USP46: variants seen among roughly 807,000 people sequenced by gnomAD.
The protein encoded by USP46 is ubiquitin carboxyl-terminal hydrolase 46.
USP46 carries 12 observed loss-of-function variants against 44.4 expected under a neutral mutation model. That is an observed-to-expected ratio of 0.27 (90% CI 0.17 to 0.44). USP46 has a LOEUF of 0.44. Ranked by LOEUF, USP46 falls within the 20% of genes least tolerant of loss-of-function variation. The pLI, the probability that USP46 is intolerant of heterozygous loss-of-function variation, is 1.00. For synonymous variants in USP46, 155 were observed against 161.5 expected, an observed-to-expected ratio of 0.96 and a Z score of 0.31; for missense variants, 248 against 444.8, an observed-to-expected ratio of 0.56 and a Z score of 3.98.
At chr4:52,658,390 G>A in intron 1 of USP46, 2 of 407,186 alleles carry the variant, frequency 4.9e-6, no homozygotes, top group South Asian at 1.8e-5. Flanking sequence ...ATCCATGCCC[G>A]CCAGCCTCCC....
rs1051804106 is a variant in USP46, at chr4:52,610,446, G to C, written c.638+95C>G. ...ATAATAGGATCATATTGGTTTAACA[G>C]AAGGGAAGATTATGTCCTGAAGAAA... is the stretch of plus-strand genomic sequence containing the variant. On this transcript the variant is annotated intron_variant, in intron 5 of 8. Transcript: ENST00000441222. 7.3e-6 allele frequency: 8 copies of C among 1,089,622 alleles called. No individual in the cohort carries two copies. In the Admixed American group the frequency reaches 1.8e-4, roughly 24 times the overall value. The allele number at this position is 1,089,622 out of a possible 1,614,324, so 67.5% of individuals were successfully genotyped here.
At chr4:52,603,382 G>A (rs1379485244) in intron 6 of USP46, among the ~76,000 whole-genome samples, 1 of 152,188 alleles carries the variant, frequency 6.6e-6, no homozygotes, top group Non-Finnish European at 1.5e-5. Flanking sequence ...AAAGAAAAGT[G>A]TACATGTTTG....
At chr4:52,634,080 A>C (rs1577685310) in intron 1 of USP46, among the ~76,000 whole-genome samples, 1 of 148,954 alleles carries the variant, frequency 6.7e-6, no homozygotes, top group South Asian at 2.1e-4. Flanking sequence ...AGACCATGAC[A>C]CCCTTACCCT....
At chr4:52,610,435 T>C (rs1716897184) in intron 5 of USP46, 106 bp downstream of exon 5, 3 of 956,132 alleles carry the variant, frequency 3.1e-6, no homozygotes, top group Admixed American at 2.4e-5. Context: ...TAGGATCATA[T>C]TGGTTTAACA....
At chr4:52,648,658 T>G (rs376349176) in intron 1 of USP46, among the ~76,000 whole-genome samples, 1 of 152,198 alleles carries the variant, frequency 6.6e-6, no homozygotes, top group Non-Finnish European at 1.5e-5. Context: ...CTGCCAACCA[T>G]ACAATATGCA....
At chr4:52,642,544 G>C (rs1016913889) in intron 1 of USP46, among the ~76,000 whole-genome samples, 3 of 152,198 alleles carry the variant, frequency 2.0e-5, no homozygotes, top group Admixed American at 6.5e-5. Context: ...AAAGTTGTTG[G>C]GAGAACCCCC....
At chr4:52,629,593 T>C (rs766768569) in intron 2 of USP46, 3 of 456,256 alleles carry the variant, frequency 6.6e-6, no homozygotes, top group South Asian at 4.6e-5. Flanking sequence ...AGGGCTTAGC[T>C]TTCCTCCTTC....
At chr4:52,637,883 CCT>C (rs1718175382) in intron 1 of USP46, among the ~76,000 whole-genome samples, 4 of 152,134 alleles carry the variant, frequency 2.6e-5, no homozygotes, top group African/African-American at 7.2e-5. Flanking sequence ...TCAAATGCCC[CCT>C]GCTTACCATC....
intron 6 of USP46, among the ~76,000 whole-genome samples, chr4:52,604,272 A>G (rs908050872): frequency 1.3e-5 from 2 of 152,200 alleles, no homozygotes; most frequent in Admixed American, 6.5e-5. Context: ...GAATGACTGA[A>G]TGAATAAACA....
intron 5 of USP46, among the ~76,000 whole-genome samples, chr4:52,608,744 A>G (rs997946100): frequency 6.6e-6 from 1 of 152,212 alleles, no homozygotes; most frequent in African/African-American, 2.4e-5. Context: ...GGTGATTCCA[A>G]TGTGCTGCCA....
chr4:52,613,759 G>C (rs1409199267), intron 4 of USP46, among the ~76,000 whole-genome samples: 2 of 149,914 alleles, frequency 1.3e-5, no homozygotes, highest in Non-Finnish European at 3.0e-5. Flanking sequence ...AAAACTAACA[G>C]AATCCAGAGT....
intron 2 of USP46, chr4:52,628,423 C>G (rs2109632777): frequency 2.4e-6 from 1 of 408,672 alleles, no homozygotes; most frequent in Non-Finnish European, 4.4e-6. Flanking sequence ...AATAAGCACT[C>G]TACCTCAATA....
rs556341805 is a variant in USP46, at chr4:52,635,696, C to T, written c.37-4552G>A. Among the ~76,000 whole-genome samples, 7 of 152,338 alleles carry T rather than the reference C, an allele frequency of 4.6e-5. No homozygotes were observed. The South Asian group carries it at 1.2e-3, about 27-fold the overall frequency. On this transcript the variant is annotated intron_variant, in intron 1 of 8. Coordinates refer to ENST00000441222, the MANE Select transcript of USP46 (RefSeq NM_022832.4). ...TCCTTCCCGTCAGCATTTAAACATGCTTCAGCATCTCCCATATCAAAAATA... is the reference window on the plus strand; with the variant it reads ...TCCTTCCCGTCAGCATTTAAACATGTTTCAGCATCTCCCATATCAAAAATA...
At chr4:52,651,832 G>T (rs1436437512) in intron 1 of USP46, among the ~76,000 whole-genome samples, 1 of 152,128 alleles carries the variant, frequency 6.6e-6, no homozygotes, top group Non-Finnish European at 1.5e-5. Context: ...GGCACAGGCA[G>T]GTCTCCCAAA....
chr4:52,601,092 G>C, intron 7 of USP46, among the ~76,000 whole-genome samples: 1 of 152,120 alleles, frequency 6.6e-6, no homozygotes, highest in East Asian at 1.9e-4. Flanking sequence ...ACCATAATCC[G>C]ACCTTAACAG....
chr4:52,645,310 G>T (rs1437575364), intron 1 of USP46, among the ~76,000 whole-genome samples: 1 of 150,846 alleles, frequency 6.6e-6, no homozygotes, highest in Admixed American at 6.6e-5. Context: ...ACTGAAGAAA[G>T]CTGACCTGGG....
intron 1 of USP46, among the ~76,000 whole-genome samples, chr4:52,631,578 A>C (rs1717827990): frequency 6.6e-6 from 1 of 152,236 alleles, no homozygotes; most frequent in African/African-American, 2.4e-5. Context: ...TAAGCCAGAC[A>C]CACTGTTCTC....
chr4:52,645,303 G>A (rs1718512130), intron 1 of USP46, among the ~76,000 whole-genome samples: 1 of 151,282 alleles, frequency 6.6e-6, no homozygotes, highest in African/African-American at 2.4e-5. Context: ...ATCTGCCACT[G>A]AAGAAAGCTG....
At chr4:52,656,284 T>A (rs1718942963) in intron 1 of USP46, 2 of 1,551,324 alleles carry the variant, frequency 1.3e-6, no homozygotes, top group Middle Eastern at 1.7e-4. Flanking sequence ...AAGGGACCTG[T>A]AAGACACCTA....
Sources: gnomAD v4.1 joint callset for allele counts (sites outside exome capture counted in the v4.1 genomes callset) on GRCh38, gnomAD v4.1.1 for gene constraint, MANE v1.5 for transcripts, NCBI Gene and HGNC (gene_info 2026-07-23, HGNC 2026-07-21) for gene names.